Variants in NEURL1 observed in about 807,000 individuals in gnomAD.
The protein encoded by NEURL1 is neuralized E3 ubiquitin protein ligase 1, also known as E3 ubiquitin-protein ligase NEURL1.
In NEURL1, 26 loss-of-function variants were observed where a neutral mutation model predicts 41.2. That is an observed-to-expected ratio of 0.63 (90% CI 0.46 to 0.87). The LOEUF (loss-of-function observed/expected upper bound fraction) is 0.87, where lower values mean the gene tolerates loss of function less well. Among genes scored for constraint, NEURL1 ranks in the 40% least tolerant of loss-of-function variants. NEURL1 has a pLI of 0.00. For missense variants in NEURL1, 761 were observed against 871.1 expected, an observed-to-expected ratio of 0.87 and a Z score of 1.59; for synonymous variants, 400 against 402.3, an observed-to-expected ratio of 0.99 and a Z score of 0.07.
In NEURL1 at chr10:103,566,274, TACA is replaced by T. The variant is rs1474211850; in HGVS notation, c.86-4595_86-4593del. On this transcript the variant is annotated intron_variant, in intron 1 of 5. Coordinates refer to ENST00000369780, the MANE Select transcript of NEURL1 (RefSeq NM_004210.5). The surrounding 1 kb of genome is among the most constrained non-coding windows in gnomAD (Gnocchi z 4.2). ...CTGGCTAATTTTTTATTTTTATCTGTACAACGAGATGAGGTCTCACGGTGTTGT... is the reference window on the plus strand; with the variant it reads ...CTGGCTAATTTTTTATTTTTATCTGTACGAGATGAGGTCTCACGGTGTTGT... 6.6e-6 allele frequency among the ~76,000 whole-genome samples: 1 copy of T among 152,098 alleles called. No homozygotes were observed. Among genetic ancestry groups the T allele is most frequent in the African/African-American group, 2.4e-5 (1 of 41,402 alleles).
chr10:103,507,798 C>T (rs578035328), intron 1 of NEURL1, among the ~76,000 whole-genome samples: 41 of 152,318 alleles, frequency 2.7e-4, no homozygotes, highest in African/African-American at 4.1e-4. Context: ...GCAGCACCTG[C>T]GGTGTGATGT....
chr10:103,551,175 C>A (rs1286072878), intron 1 of NEURL1, among the ~76,000 whole-genome samples: 2 of 151,980 alleles, frequency 1.3e-5, no homozygotes, highest in South Asian at 2.1e-4. Flanking sequence ...GGCATTGGGT[C>A]CTGCTCACCA....
At chr10:103,535,871 C>T (rs918932164) in intron 1 of NEURL1, among the ~76,000 whole-genome samples, 2 of 152,134 alleles carry the variant, frequency 1.3e-5, no homozygotes, top group African/African-American at 4.8e-5. Flanking sequence ...TGGCAACTCA[C>T]CCCGGGAGCA....
At chr10:103,553,262 AG>A (rs1300521008) in intron 1 of NEURL1, among the ~76,000 whole-genome samples, 1 of 152,218 alleles carries the variant, frequency 6.6e-6, no homozygotes, top group African/African-American at 2.4e-5. Flanking sequence ...CGCTCAGGGC[AG>A]TGTGGATCAT....
At chr10:103,498,723 A>G (rs2033749410) in intron 1 of NEURL1, among the ~76,000 whole-genome samples, 1 of 152,222 alleles carries the variant, frequency 6.6e-6, no homozygotes, top group Admixed American at 6.5e-5. Flanking sequence ...ATCCCTGGAA[A>G]CCACGAATCT....
rs2035546286 is a variant in NEURL1 at position 103,571,590 on chromosome 10, C to T, written c.417C>T (p.Pro139=). The change falls in exon 3 of 6, where the codon CCC becomes CCT. Residue 139 remains proline, a synonymous_variant. Transcript: ENST00000369780. ...CCCGCATCCACCCTGACTCGCTGCCCAAGTACGCCTGCCCCGACCTGGTGT... is the reference window on the plus strand; with the variant it reads ...CCCGCATCCACCCTGACTCGCTGCCTAAGTACGCCTGCCCCGACCTGGTGT... ...DPSRIHPDSL[P]KYACPDLVSQ... is the part of the protein sequence containing the mutation. 2 of 1,613,994 alleles carry T rather than the reference C, an allele frequency of 1.2e-6. No individual in the cohort carries two copies. Among genetic ancestry groups the T allele is most frequent in the African/African-American group, 2.7e-5 (2 of 75,076 alleles).
At position 103,590,608 on chromosome 10, in the gene NEURL1, G is replaced by A. The variant is rs1428792309; in HGVS notation, c.*236G>A. 1.4e-5 allele frequency: 8 copies of A among 561,058 alleles called. No homozygotes were observed. Among genetic ancestry groups the A allele is most frequent in the Non-Finnish European group, 2.6e-5 (8 of 312,778 alleles). The allele number at this position is 561,058 out of a possible 1,614,324, so 34.8% of individuals were successfully genotyped here. On this transcript the variant is annotated 3_prime_UTR_variant, in exon 6 of 6. Coordinates refer to ENST00000369780, the MANE Select transcript of NEURL1 (RefSeq NM_004210.5). ...GAGGAGAGGAGGCCGCACTCTCCCT[G>A]TCTCTCCCGTCTCTGCACCCAGCTC...
At position 103,493,851 on chromosome 10, in the gene NEURL1, G is replaced by A. The variant is rs1367126656; in HGVS notation, c.-537G>A. On this transcript the variant is annotated 5_prime_UTR_variant, in exon 1 of 6. Transcript: ENST00000369780. Reference sequence around the variant, plus strand: ...GCGGTCGGGGGACACCAGCTGCGTCGGAGCGCCCAGAACGCCCCGCGCTCC... The same window carrying A: ...GCGGTCGGGGGACACCAGCTGCGTCAGAGCGCCCAGAACGCCCCGCGCTCC... 1 of 151,718 alleles carries A rather than the reference G, an allele frequency of 6.6e-6. No homozygotes were observed. Among genetic ancestry groups the A allele is most frequent in the Non-Finnish European group, 1.5e-5 (1 of 67,910 alleles). 9.4% of individuals were successfully genotyped at this position (151,718 alleles called of 1,614,324 possible). A position where few individuals can be genotyped will look rare whatever the true frequency, so the allele number is the denominator to read the frequency against.
chr10:103,517,565 T>G (rs1034343006), intron 1 of NEURL1, among the ~76,000 whole-genome samples: 4 of 152,212 alleles, frequency 2.6e-5, no homozygotes, highest in African/African-American at 7.2e-5. Context: ...GGCCCCAAAT[T>G]TCATCTCCTC....
intron 1 of NEURL1, chr10:103,555,369 C>G: frequency 1.5e-6 from 2 of 1,355,808 alleles, no homozygotes; most frequent in South Asian, 1.2e-5. Flanking sequence ...CTGCACTGCC[C>G]GTCGCCGGAG....
intron 1 of NEURL1, 177 bp downstream of exon 1, chr10:103,494,649 G>T: frequency 1.7e-6 from 1 of 595,406 alleles, no homozygotes; most frequent in Non-Finnish European, 2.9e-6. Flanking sequence ...GGTGATGGAG[G>T]ATGGCGTCCC....
intron 1 of NEURL1, among the ~76,000 whole-genome samples, chr10:103,519,314 C>G (rs560149425): frequency 2.0e-5 from 3 of 152,270 alleles, no homozygotes; most frequent in East Asian, 3.9e-4. Context: ...TAGCCCTGTC[C>G]CCTCCCAAAA....
At chr10:103,532,282 T>C (rs2034588689) in intron 1 of NEURL1, among the ~76,000 whole-genome samples, 1 of 152,324 alleles carries the variant, frequency 6.6e-6, no homozygotes, top group African/African-American at 2.4e-5. Flanking sequence ...TTGTTTATGA[T>C]TGTGGTTTGG....
intron 1 of NEURL1, among the ~76,000 whole-genome samples, chr10:103,521,772 G>C (rs1331741362): frequency 6.6e-6 from 1 of 152,140 alleles, no homozygotes; most frequent in Non-Finnish European, 1.5e-5. Context: ...ATGAGAAGGA[G>C]AAAAACTGGC....
chr10:103,516,762 C>T (rs2034216973), intron 1 of NEURL1, among the ~76,000 whole-genome samples: 1 of 152,138 alleles, frequency 6.6e-6, no homozygotes, highest in African/African-American at 2.4e-5. Context: ...GTAGATTCCT[C>T]CTCAGGGGAC....
intron 1 of NEURL1, among the ~76,000 whole-genome samples, chr10:103,542,716 C>G (rs1284246058): frequency 1.3e-5 from 2 of 152,210 alleles, no homozygotes; most frequent in African/African-American, 4.8e-5. Context: ...GTCACTTACC[C>G]TCTTTCAGCT....
At chr10:103,518,763 A>G (rs910586000) in intron 1 of NEURL1, among the ~76,000 whole-genome samples, 1 of 152,142 alleles carries the variant, frequency 6.6e-6, no homozygotes, top group African/African-American at 2.4e-5. Context: ...TCACTCAGAC[A>G]TATTTACTTT....
chr10:103,522,673 G>T lies in NEURL1; in HGVS notation c.85+28201G>T, dbSNP rs576613940. 4.6e-5 allele frequency among the ~76,000 whole-genome samples: 7 copies of T among 151,336 alleles called. No homozygotes were observed. In the South Asian group the frequency reaches 1.5e-3, roughly 32 times the overall value. Reference sequence around the variant, plus strand: ...AGAATGAAACCTTATTGGTTTGTTAGGTAAAACATCAATGTAGGGAATAGT... The same window carrying T: ...AGAATGAAACCTTATTGGTTTGTTATGTAAAACATCAATGTAGGGAATAGT... On this transcript the variant is annotated intron_variant, in intron 1 of 5. Transcript: ENST00000369780.
chr10:103,539,964 C>T (rs1229333721), intron 1 of NEURL1, among the ~76,000 whole-genome samples: 5 of 152,172 alleles, frequency 3.3e-5, no homozygotes, highest in Non-Finnish European at 7.3e-5. Flanking sequence ...ATGAAGCAAC[C>T]TTGCAATGTT....
Sources: allele counts gnomAD v4.1 joint callset (sites outside exome capture counted in the v4.1 genomes callset), GRCh38; gene constraint gnomAD v4.1.1; non-coding constraint Gnocchi (gnomAD v3.1); transcripts MANE v1.5; gene names NCBI Gene and HGNC (gene_info 2026-07-23, HGNC 2026-07-21).